Variants in ACCSL observed in about 807,000 individuals in gnomAD.
ACCSL encodes the protein probable inactive 1-aminocyclopropane-1-carboxylate synthase-like protein 2.
ACCSL carries 55 observed loss-of-function variants against 61.7 expected under a neutral mutation model. The observed-to-expected ratio is 0.89, with a 90% CI of 0.72 to 1.12. The LOEUF is 1.12. Among genes scored for constraint, ACCSL ranks in the 50% most tolerant of loss-of-function variants. The pLI is 0.00. For synonymous variants in ACCSL, 258 were observed against 264.3 expected (o/e 0.98, Z 0.23); for missense variants, 632 against 698.0 (o/e 0.91, Z 1.07).
At chr11:43,967,210 T>C in the ACCSL span, among the ~76,000 whole-genome samples, 3 of 130,184 alleles carry the variant, frequency 2.3e-5, no homozygotes, top group Non-Finnish European at 3.2e-5. Flanking sequence ...GGAGTTTCGC[T>C]CTTGTCGCCC....
the ACCSL span, among the ~76,000 whole-genome samples, chr11:44,042,495 T>A: frequency 6.6e-6 from 1 of 151,296 alleles, no homozygotes; most frequent in Non-Finnish European, 1.5e-5. Flanking sequence ...TTTATTTTTA[T>A]TTTTTTTTGT....
chr11:43,997,222 A>G, the ACCSL span, among the ~76,000 whole-genome samples: 1 of 151,930 alleles, frequency 6.6e-6, no homozygotes, highest in Non-Finnish European at 1.5e-5. Context: ...GTGGACCAAC[A>G]TGTAGCAGGT....
intron 5 of ACCSL, among the ~76,000 whole-genome samples, chr11:44,051,999 G>A (rs937535630): frequency 2.0e-5 from 3 of 152,192 alleles, no homozygotes; most frequent in Middle Eastern, 3.2e-3. Context: ...CTGGGCTTTT[G>A]GGCTCAGCTG....
In ACCSL at chr11:44,053,481, A is replaced by T; in HGVS notation, c.1024A>T (p.Met342Leu). The T allele has an allele frequency of 6.2e-7, 1 of 1,614,148 alleles. No homozygotes were observed. The highest frequency in any genetic ancestry group is 8.5e-7 in the Non-Finnish European group (1 of 1,180,018). ...LGDIYSPDSL[M>L]KYLEFAKRYN... is the part of the protein sequence containing the mutation. ...TGACATCTACTCCCCAGACTCACTGATGAAATACCTGGAATTTGCCAAGAG... is the reference window on the plus strand; with the variant it reads ...TGACATCTACTCCCCAGACTCACTGTTGAAATACCTGGAATTTGCCAAGAG... Residue 342 changes from methionine to leucine, a missense_variant, in exon 8 of 14, where the codon ATG becomes TTG. Coordinates refer to ENST00000378832, the MANE Select transcript of ACCSL (RefSeq NM_001031854.2).
At chr11:44,045,051 A>G (rs940260830), upstream of ACCSL, among the ~76,000 whole-genome samples, 11 of 152,206 alleles carry the variant, frequency 7.2e-5, no homozygotes, top group Non-Finnish European at 1.3e-4. Flanking sequence ...GTCATTTACA[A>G]TAGACTTTTC....
chr11:43,923,099 T>C, the ACCSL span, among the ~76,000 whole-genome samples: 3 of 152,208 alleles, frequency 2.0e-5, no homozygotes, highest in Non-Finnish European at 2.9e-5. Context: ...CCTGCCCTAG[T>C]GCGTGGCAGG....
the ACCSL span, among the ~76,000 whole-genome samples, chr11:43,981,943 T>A: frequency 6.6e-6 from 1 of 152,216 alleles, no homozygotes; most frequent in Non-Finnish European, 1.5e-5. Context: ...GCTCAGAGTG[T>A]ATCATCTTGA....
chr11:43,981,482 T>A, the ACCSL span, among the ~76,000 whole-genome samples: 3 of 152,126 alleles, frequency 2.0e-5, no homozygotes, highest in Non-Finnish European at 4.4e-5. Context: ...GTTTATCTTT[T>A]AAAAAAAGGG....
chr11:43,971,806 G>A, the ACCSL span, among the ~76,000 whole-genome samples: 3 of 152,072 alleles, frequency 2.0e-5, no homozygotes, highest in African/African-American at 7.2e-5. Flanking sequence ...TCCAACTCCT[G>A]TGCTGCCTTC....
chr11:44,029,591 G>C, the ACCSL span, among the ~76,000 whole-genome samples: 1 of 152,142 alleles, frequency 6.6e-6, no homozygotes, highest in Non-Finnish European at 1.5e-5. Context: ...ACACTTGCTG[G>C]GTGACTTGGA....
chr11:43,994,532 C>G, the ACCSL span, among the ~76,000 whole-genome samples: 29 of 149,946 alleles, frequency 1.9e-4, no homozygotes, highest in South Asian at 6.0e-3. Context: ...GTGTGTGTGT[C>G]TGTGTGTGTT....
the ACCSL span, among the ~76,000 whole-genome samples, chr11:43,973,669 G>A: frequency 6.6e-6 from 1 of 152,134 alleles, no homozygotes; most frequent in Admixed American, 6.6e-5. Context: ...CTAATGAAGT[G>A]GAAAAGGTGG....
At chr11:44,050,981 A>T (rs949315696) in intron 3 of ACCSL, among the ~76,000 whole-genome samples, 11 of 151,710 alleles carry the variant, frequency 7.3e-5, no homozygotes, top group Non-Finnish European at 1.3e-4. Context: ...AGCTGGGACT[A>T]CAGGTGCCCG....
At chr11:44,045,142 G>T (rs137928640), upstream of ACCSL, among the ~76,000 whole-genome samples, 794 of 152,244 alleles carry the variant, frequency 5.2e-3, 9 homozygotes, top group African/African-American at 0.018. Context: ...TGTTATCAGA[G>T]AACACATTTT....
chr11:43,968,297 A>G, the ACCSL span, among the ~76,000 whole-genome samples: 1 of 151,646 alleles, frequency 6.6e-6, no homozygotes, highest in African/African-American at 2.4e-5. Flanking sequence ...TCCCAAGCTG[A>G]CTCACTATTC....
chr11:44,029,991 T>TTTATG, the ACCSL span, among the ~76,000 whole-genome samples: 1 of 132,594 alleles, frequency 7.5e-6, no homozygotes, highest in African/African-American at 2.7e-5. Context: ...TTTATTTTAT[T>TTTATG]TTATTTTATT....
At chr11:43,959,153 ACAAT>A in the ACCSL span, among the ~76,000 whole-genome samples, 1 of 152,202 alleles carries the variant, frequency 6.6e-6, no homozygotes, top group African/African-American at 2.4e-5. Context: ...TGGAGAAGAC[ACAAT>A]CAAACCACAG....
chr11:44,059,600 G>T (rs3107271), intron 13 of ACCSL, among the ~76,000 whole-genome samples: 1 of 152,172 alleles, frequency 6.6e-6, no homozygotes. Context: ...AAGCCCGAGA[G>T]TACAGGCTTT....
the ACCSL span, among the ~76,000 whole-genome samples, chr11:44,034,370 G>T: frequency 5.3e-5 from 8 of 152,180 alleles, no homozygotes; most frequent in Non-Finnish European, 1.2e-4. Flanking sequence ...AGGAAACCCC[G>T]ATGAAGACCT....
Sources: allele counts gnomAD v4.1 joint callset (sites outside exome capture counted in the v4.1 genomes callset), GRCh38; gene constraint gnomAD v4.1.1; transcripts MANE v1.5; gene names NCBI Gene and HGNC (gene_info 2026-07-23, HGNC 2026-07-21).